The following PCDH15 variants were observed in gnomAD, a reference collection of about 807,000 sequenced individuals.
PCDH15 encodes protocadherin-15.
A neutral mutation model predicts 178.5 loss-of-function variants in PCDH15; 129 were observed. The ratio of observed to expected loss-of-function variants is 0.72; its 90% CI spans 0.63 to 0.84. The LOEUF (loss-of-function observed/expected upper bound fraction) is 0.84. Ranked by LOEUF, PCDH15 falls within the 40% of genes least tolerant of loss-of-function variation. PCDH15 has a pLI of 0.00. For missense variants in PCDH15, 2,230 were observed against 2,099.9 expected (o/e 1.06, Z -1.21); for synonymous variants, 800 against 732.0 (o/e 1.09, Z -1.50).
intron 17 of PCDH15, among the ~76,000 whole-genome samples, chr10:54,077,096 T>A (rs1157825534): frequency 6.6e-6 from 1 of 152,162 alleles, no homozygotes; most frequent in Non-Finnish European, 1.5e-5. Context: ...TAAAATTATA[T>A]AAATGATGGA....
intron 18 of PCDH15, among the ~76,000 whole-genome samples, chr10:54,051,212 G>A (rs1345424057): frequency 6.6e-6 from 1 of 152,154 alleles, no homozygotes; most frequent in Non-Finnish European, 1.5e-5. Flanking sequence ...AAAGATGCCT[G>A]AAAATGTGGA....
chr10:54,000,362 G>A (rs991079524), intron 20 of PCDH15, among the ~76,000 whole-genome samples: 2 of 152,170 alleles, frequency 1.3e-5, no homozygotes, highest in African/African-American at 2.4e-5. Context: ...CAATCCTGGG[G>A]AAACAGAGAG....
chr10:54,047,692 A>G (rs1352935067), intron 18 of PCDH15, among the ~76,000 whole-genome samples: 1 of 152,070 alleles, frequency 6.6e-6, no homozygotes, highest in Non-Finnish European at 1.5e-5. Flanking sequence ...TCCCTGCATT[A>G]ATGTACTTAA....
intron 13 of PCDH15, among the ~76,000 whole-genome samples, chr10:54,166,683 C>A (rs1193634654): frequency 6.6e-6 from 1 of 152,166 alleles, no homozygotes; most frequent in African/African-American, 2.4e-5. Context: ...AACTGTCAGG[C>A]CTCTGAGCCC....
chr10:54,496,434 A>T (rs1351486341), intron 3 of PCDH15, among the ~76,000 whole-genome samples: 1 of 152,152 alleles, frequency 6.6e-6, no homozygotes, highest in Non-Finnish European at 1.5e-5. Context: ...CCATGAAACA[A>T]GTCACACATT....
chr10:53,808,565 T>G, intron 37 of PCDH15: 1 of 1,448,952 alleles, frequency 6.9e-7, no homozygotes, highest in Admixed American at 2.7e-5. Context: ...GGCATGCTTC[T>G]GATCATAAGT....
At chr10:53,862,085 T>C (rs1044049689) in intron 27 of PCDH15, among the ~76,000 whole-genome samples, 1 of 152,076 alleles carries the variant, frequency 6.6e-6, no homozygotes, top group Admixed American at 6.6e-5. Context: ...AGTTTTGCTC[T>C]TGTTGCCCAG....
At chr10:54,704,353 T>TA (rs2095344384) in intron 1 of PCDH15, among the ~76,000 whole-genome samples, 1 of 152,116 alleles carries the variant, frequency 6.6e-6, no homozygotes, top group African/African-American at 2.4e-5. Flanking sequence ...CTATCAAGTG[T>TA]AAACAGACTT....
rs1047621312 is a variant in PCDH15 at position 54,781,909 on chromosome 10, C to T, written c.-29+19016G>A. On this transcript the variant is annotated intron_variant, in intron 1 of 37. Transcript: ENST00000644397. ...TACTATGCGTTTACATTTAGAAAGA[C>T]AAAACCTTACAAAGATGTATTATGC... Among the ~76,000 whole-genome samples the T allele has an allele frequency of 2.6e-5, 4 of 152,086 alleles. No individual in the cohort carries two copies. In the East Asian group the frequency reaches 7.7e-4, roughly 29 times the overall value.
intron 8 of PCDH15, among the ~76,000 whole-genome samples, chr10:54,282,056 C>A (rs1392809038): frequency 6.6e-6 from 1 of 152,086 alleles, no homozygotes; most frequent in Non-Finnish European, 1.5e-5. Context: ...TTTACTACTA[C>A]AGACTGTTGC....
intron 1 of PCDH15, among the ~76,000 whole-genome samples, chr10:54,788,747 A>G (rs913733361): frequency 2.6e-5 from 4 of 151,810 alleles, no homozygotes; most frequent in Non-Finnish European, 5.9e-5. Context: ...AGTAATGCAG[A>G]TGGGTCAAAT....
chr10:54,073,489 GCTC>G (rs1441780620), intron 17 of PCDH15, among the ~76,000 whole-genome samples: 1 of 152,064 alleles, frequency 6.6e-6, no homozygotes, highest in Non-Finnish European at 1.5e-5. Context: ...GAAGTTAAAT[GCTC>G]AACTTTTAAA....
At chr10:55,573,470 A>C (rs1252969207) in intron 2 of PCDH15, among the ~76,000 whole-genome samples, 2 of 152,106 alleles carry the variant, frequency 1.3e-5, no homozygotes, top group Admixed American at 1.3e-4. Context: ...AAATAATTAC[A>C]AGTTTTCAAT....
chr10:54,671,873 T>A (rs947804846), intron 1 of PCDH15, among the ~76,000 whole-genome samples: 1 of 152,154 alleles, frequency 6.6e-6, no homozygotes, highest in East Asian at 1.9e-4. Context: ...TACTGGTCCA[T>A]GGCCTGTTAG....
chr10:54,588,512 G>A (rs2091656219), intron 2 of PCDH15, among the ~76,000 whole-genome samples: 1 of 152,142 alleles, frequency 6.6e-6, no homozygotes, highest in Non-Finnish European at 1.5e-5. Flanking sequence ...AAAGCTGTGT[G>A]AAGATATGTG....
intron 2 of PCDH15, among the ~76,000 whole-genome samples, chr10:54,584,462 T>TC (rs775753156): frequency 8.5e-5 from 13 of 152,088 alleles, no homozygotes; most frequent in Non-Finnish European, 1.8e-4. Flanking sequence ...TAGTTTTTTT[T>TC]CTCAAAGTTG....
In PCDH15 at chr10:53,803,421, T is replaced by C. The variant is rs1466623797; in HGVS notation, c.*3158A>G. The stretch of plus-strand genomic sequence containing the variant: ...TCTATGATATAAAAATGTTTTTAAA[T>C]AATATTTTAATGGTAACTACTGAAT... On this transcript the variant is annotated 3_prime_UTR_variant, in exon 38 of 38. Transcript: ENST00000644397. 2.0e-5 allele frequency: 3 copies of C among 151,916 alleles called. No individual in the cohort carries two copies. The highest frequency in any genetic ancestry group is 4.4e-5 in the Non-Finnish European group (3 of 67,888). 9.4% of individuals were successfully genotyped at this position (151,916 alleles called of 1,614,324 possible). A position where few individuals can be genotyped will look rare whatever the true frequency, so the allele number is the denominator to read the frequency against.
chr10:54,607,471 A>T (rs1016513504), intron 2 of PCDH15, among the ~76,000 whole-genome samples: 14 of 152,078 alleles, frequency 9.2e-5, no homozygotes, highest in Admixed American at 5.9e-4. Context: ...AGAGAAGAGA[A>T]GGAAAGGCAT....
At chr10:55,310,355 C>G (rs1843554086) in intron 1 of PCDH15, among the ~76,000 whole-genome samples, 2 of 152,034 alleles carry the variant, frequency 1.3e-5, no homozygotes, top group Admixed American at 1.3e-4. Flanking sequence ...AATCAGCAAA[C>G]ATTATAAAAC....
Sources: allele counts gnomAD v4.1 joint callset (sites outside exome capture counted in the v4.1 genomes callset), GRCh38; gene constraint gnomAD v4.1.1; transcripts MANE v1.5; gene names NCBI Gene and HGNC (gene_info 2026-07-23, HGNC 2026-07-21).